Variants in TRIO observed in about 807,000 individuals in gnomAD.
The protein encoded by TRIO is trio Rho guanine nucleotide exchange factor.
Under a neutral mutation model 351.9 loss-of-function variants are expected in TRIO, and 58 were observed. That is an observed-to-expected ratio of 0.16 (90% CI 0.13 to 0.21). TRIO has a LOEUF of 0.21. Among genes scored for constraint, TRIO ranks in the 10% least tolerant of loss-of-function variants. The pLI, the probability that TRIO is intolerant of heterozygous loss-of-function variation, is 1.00. For missense variants in TRIO, 3,201 were observed against 4,027.8 expected, an observed-to-expected ratio of 0.79 and a Z score of 5.56; for synonymous variants, 1,758 against 1,595.7, an observed-to-expected ratio of 1.10 and a Z score of -2.42.
At position 14,508,685 on chromosome 5, in the gene TRIO, TAAAAA is replaced by T. The variant is rs1423184863; in HGVS notation, c.*264_*268del. ...TTTTATTCAGGTTTCTGCAAAAAAA[TAAAAA>T]GATAACTTTTTTAAACAAACATGAA... On this transcript the variant is annotated 3_prime_UTR_variant, in exon 57 of 57. Coordinates refer to ENST00000344204, the MANE Select transcript of TRIO (RefSeq NM_007118.4). The T allele has an allele frequency of 1.0e-5, 4 of 384,098 alleles. No homozygotes were observed. Among genetic ancestry groups the T allele is most frequent in the African/African-American group, 6.2e-5 (3 of 48,358 alleles). 23.8% of individuals were successfully genotyped at this position (384,098 alleles called of 1,614,324 possible).
At chr5:14,485,271 G>A (rs1755834807) in intron 47 of TRIO, 25 bp downstream of exon 47, 1 of 1,551,380 alleles carries the variant, frequency 6.4e-7, no homozygotes, top group Non-Finnish European at 8.8e-7. Flanking sequence ...GTTACTAGAT[G>A]TGTGCTTTCT....
chr5:14,363,292 C>T (rs922017554), intron 13 of TRIO, among the ~76,000 whole-genome samples: 6 of 152,074 alleles, frequency 3.9e-5, no homozygotes, highest in East Asian at 3.9e-4. Flanking sequence ...GAGCCACCAC[C>T]CCCAGCCGAT....
chr5:14,379,946 TC>T (rs1166266073), intron 20 of TRIO, among the ~76,000 whole-genome samples: 1 of 152,130 alleles, frequency 6.6e-6, no homozygotes, highest in Non-Finnish European at 1.5e-5. Flanking sequence ...CGCAGGCCCC[TC>T]CCGCCTGCTG....
chr5:14,420,130 T>C (rs1579603045), intron 34 of TRIO, 109 bp downstream of exon 34: 3 of 1,497,780 alleles, frequency 2.0e-6, no homozygotes, highest in East Asian at 4.6e-5. Flanking sequence ...CCTTGTCAGC[T>C]GTGCCTTCAG....
intron 34 of TRIO, among the ~76,000 whole-genome samples, chr5:14,431,073 CTG>C (rs958827115): frequency 3.3e-5 from 5 of 152,212 alleles, no homozygotes; most frequent in Admixed American, 1.3e-4. Context: ...CTTCCTGACA[CTG>C]TGGAAGAGTT....
At chr5:14,434,377 G>A (rs1023852088) in intron 34 of TRIO, among the ~76,000 whole-genome samples, 4 of 151,764 alleles carry the variant, frequency 2.6e-5, no homozygotes, top group Admixed American at 6.6e-5. Flanking sequence ...TGTCTGATAC[G>A]TTTCTTTTTC....
rs1740848741 is a variant in TRIO, at chr5:14,330,917, T to C, written c.1854+17T>C. 1.2e-6 allele frequency: 2 copies of C among 1,613,412 alleles called. No individual in the cohort carries two copies. The highest frequency in any genetic ancestry group is 1.7e-6 in the Non-Finnish European group (2 of 1,179,644). ...GTGGCACAGGTAAAACAATGGCTTC[T>C]ATTATTTTATCCCATAAATACCCGT... On this transcript the variant is annotated intron_variant, in intron 10 of 56. Coordinates refer to ENST00000344204, the MANE Select transcript of TRIO (RefSeq NM_007118.4).
intron 1 of TRIO, among the ~76,000 whole-genome samples, chr5:14,235,231 T>A (rs1793691322): frequency 6.6e-6 from 1 of 152,244 alleles, no homozygotes; most frequent in African/African-American, 2.4e-5. Flanking sequence ...TCTTTTCAGA[T>A]TTTTTTAATA....
At chr5:14,471,986 C>T (rs706283) in intron 38 of TRIO, among the ~76,000 whole-genome samples, 24,345 of 151,840 alleles carry the variant, frequency 0.16, 2,026 homozygotes, top group Middle Eastern at 0.28. Context: ...TATCCCAGCA[C>T]CTCCGATGGT....
intron 34 of TRIO, among the ~76,000 whole-genome samples, chr5:14,421,476 C>T (rs974208909): frequency 9.9e-5 from 15 of 151,310 alleles, no homozygotes; most frequent in African/African-American, 2.7e-4. Flanking sequence ...TGGCGGCAGA[C>T]GCCTGTAATC....
At position 14,487,445 on chromosome 5, in the gene TRIO, C is replaced by T. The variant is rs757198056; in HGVS notation, c.6836-19C>T. On this transcript the variant is annotated intron_variant, in intron 47 of 56. Transcript: ENST00000344204. The stretch of plus-strand genomic sequence containing the variant: ...CCTTGGCGCCCTGACCCAGTCTCTC[C>T]CGCTGTCTTGTCTTACAGCCTTGAC... 7.3e-6 allele frequency: 8 copies of T among 1,099,942 alleles called. No individual in the cohort carries two copies. Among genetic ancestry groups the T allele is most frequent in the Admixed American group, 3.8e-5 (1 of 26,100 alleles). The allele number at this position is 1,099,942 out of a possible 1,614,324, so 68.1% of individuals were successfully genotyped here.
intron 31 of TRIO, among the ~76,000 whole-genome samples, chr5:14,403,056 TGTGAGGGTGCAGGTTGTG>T (rs922076227): frequency 9.7e-6 from 1 of 103,026 alleles, no homozygotes; most frequent in African/African-American, 3.8e-5. Flanking sequence ...TGTGGTGGGT[TGTGAGGGTGCAGGTTGTG>T]GTGAGGGTAC....
rs199980959 is a variant in TRIO at position 14,482,819 on chromosome 5, C to T, written c.6657+46C>T. On this transcript the variant is annotated intron_variant, in intron 46 of 56. Transcript: ENST00000344204. The stretch of plus-strand genomic sequence containing the variant: ...ATTTCTCTGTGCCAGCGCATGTACC[C>T]GTCACACCGATACACTGTTTCCTTT... The T allele has an allele frequency of 1.8e-4, 261 of 1,428,648 alleles. 4 individuals are homozygous for T. In the South Asian group the frequency reaches 3.3e-3, roughly 18 times the overall value. 88.5% of individuals were successfully genotyped at this position (1,428,648 alleles called of 1,614,324 possible). A position where few individuals can be genotyped will look rare whatever the true frequency, so the allele number is the denominator to read the frequency against.
chr5:14,507,798 C>G, intron 56 of TRIO, 82 bp from the exon 57 acceptor site: 1 of 1,506,280 alleles, frequency 6.6e-7, no homozygotes, highest in Non-Finnish European at 8.9e-7. Flanking sequence ...TTCCTTCCAC[C>G]TCACCATAGA....
At chr5:14,398,671 A>G (rs1747815103) in intron 29 of TRIO, among the ~76,000 whole-genome samples, 1 of 152,202 alleles carries the variant, frequency 6.6e-6, no homozygotes, top group African/African-American at 2.4e-5. Context: ...TTTTTGAACA[A>G]AGGAAAATAT....
chr5:14,497,114 A>G lies in TRIO; in HGVS notation c.8019+97A>G, dbSNP rs548564266. The G allele has an allele frequency of 9.9e-6, 15 of 1,515,254 alleles. No homozygotes were observed. Among genetic ancestry groups the G allele is most frequent in the Non-Finnish European group, 1.3e-5 (15 of 1,128,616 alleles). 93.9% of individuals were successfully genotyped at this position (1,515,254 alleles called of 1,614,324 possible). On this transcript the variant is annotated intron_variant, in intron 50 of 56. Transcript: ENST00000344204. This position sits in a 1 kb window ranked among gnomAD's most constrained non-coding sequence, Gnocchi z 4.4. ...TGCAGACCTGAAGCTGGGCTTGCTTATGACCTCCCTCCCACCCACCAGCCC... is the reference window on the plus strand; with the variant it reads ...TGCAGACCTGAAGCTGGGCTTGCTTGTGACCTCCCTCCCACCCACCAGCCC...
intron 41 of TRIO, 69 bp downstream of exon 41, chr5:14,477,032 A>T: frequency 7.2e-7 from 1 of 1,385,508 alleles, no homozygotes; most frequent in South Asian, 1.2e-5. Flanking sequence ...TTGTCAGATT[A>T]AAGGAGAACT....
At chr5:14,363,613 A>C (rs1324029793) in intron 13 of TRIO, 119 bp from the exon 14 acceptor site, 1 of 850,138 alleles carries the variant, frequency 1.2e-6, no homozygotes, top group Non-Finnish European at 1.8e-6. Context: ...CATGCATCTT[A>C]AGTGTTTGAC....
At chr5:14,223,804 T>C (rs1160056542) in intron 1 of TRIO, among the ~76,000 whole-genome samples, 1 of 152,220 alleles carries the variant, frequency 6.6e-6, no homozygotes, top group Non-Finnish European at 1.5e-5. Context: ...TATTTTAGGC[T>C]CAAATTCCTA....
Sources: gnomAD v4.1 joint callset for allele counts (sites outside exome capture counted in the v4.1 genomes callset) on GRCh38, gnomAD v4.1.1 for gene constraint, Gnocchi (gnomAD v3.1) non-coding constraint, MANE v1.5 for transcripts, NCBI Gene and HGNC (gene_info 2026-07-23, HGNC 2026-07-21) for gene names.